The following HEPH variants were observed in gnomAD, a reference collection of about 807,000 sequenced individuals.
HEPH encodes hephaestin.
HEPH carries 69 observed loss-of-function variants against 80.8 expected under a neutral mutation model. The ratio of observed to expected loss-of-function variants is 0.85; its 90% CI spans 0.70 to 1.04. The LOEUF (loss-of-function observed/expected upper bound fraction) is 1.04. Among genes scored for constraint, HEPH ranks in the 50% least tolerant of loss-of-function variants. HEPH has a pLI of 0.00. For synonymous variants in HEPH, 431 were observed against 322.8 expected, an observed-to-expected ratio of 1.34 and a Z score of -3.60; for missense variants, 1,115 against 891.3, an observed-to-expected ratio of 1.25 and a Z score of -3.20.
chrX:66,186,483 C>T (rs1230605922), intron 4 of HEPH, among the ~76,000 whole-genome samples: 2 of 112,477 alleles, frequency 1.8e-5, no homozygotes, highest in Admixed American at 1.9e-4. Context: ...CGTCCATCAC[C>T]CCTTTCTTTG....
At chrX:66,246,419 G>A (rs187608418) in intron 15 of HEPH, among the ~76,000 whole-genome samples, 1 of 111,601 alleles carries the variant, frequency 9.0e-6, no homozygotes, top group East Asian at 2.8e-4. Flanking sequence ...ATGAGGGGCA[G>A]TAGAGCAATC....
chrX:66,207,979 C>A, intron 14 of HEPH, 136 bp from the exon 15 acceptor site: 1 of 437,653 alleles, frequency 2.3e-6, no homozygotes, highest in Non-Finnish European at 3.8e-6. Context: ...GCCATGCCTT[C>A]TAGGTCTTAG....
intron 6 of HEPH, 68 bp downstream of exon 6, chrX:66,190,006 G>A: frequency 1.9e-6 from 2 of 1,059,827 alleles, no homozygotes; most frequent in South Asian, 2.3e-5. Context: ...GGGAGGCTGG[G>A]TTTCTGGCCT....
At chrX:66,261,549 T>C (rs1242309258) in intron 19 of HEPH, among the ~76,000 whole-genome samples, 2 of 109,928 alleles carry the variant, frequency 1.8e-5, no homozygotes, top group African/African-American at 6.6e-5. Context: ...TTTTTTTTTT[T>C]TTTTTCTATG....
At chrX:66,263,709 A>T in intron 20 of HEPH, 21 bp downstream of exon 20, 1 of 1,197,172 alleles carries the variant, frequency 8.4e-7, no homozygotes, top group South Asian at 1.8e-5. Context: ...TGATGCACAG[A>T]CTGGGTACTT....
rs761473189 is a variant in HEPH, at chrX:66,229,159, A to G, written c.2563+20913A>G. ...GCCCATCAATCAGAGTGGAAAAATAAAATGTGAGATAGATATAGATATAGA... is the reference window on the plus strand; with the variant it reads ...GCCCATCAATCAGAGTGGAAAAATAGAATGTGAGATAGATATAGATATAGA... On this transcript the variant is annotated intron_variant, in intron 15 of 20. Coordinates refer to ENST00000343002, the MANE Select transcript of HEPH (RefSeq NM_001367233.3). 4.1e-4 allele frequency among the ~76,000 whole-genome samples: 46 copies of G among 112,546 alleles called. 1 individual carries two copies. Among genetic ancestry groups the G allele is most frequent in the African/African-American group, 1.5e-3 (46 of 31,037 alleles).
At chrX:66,243,101 T>G (rs894528568) in intron 15 of HEPH, among the ~76,000 whole-genome samples, 1 of 111,635 alleles carries the variant, frequency 9.0e-6, no homozygotes, top group Non-Finnish European at 1.9e-5. Context: ...GCATGAACAG[T>G]GTATTGAATA....
intron 20 of HEPH, among the ~76,000 whole-genome samples, chrX:66,264,755 T>C (rs764467761): frequency 2.8e-5 from 3 of 106,818 alleles, no homozygotes; most frequent in South Asian, 8.2e-4. Context: ...TGGGTGGGCT[T>C]TCAGGCCATG....
intron 4 of HEPH, among the ~76,000 whole-genome samples, chrX:66,181,964 T>C (rs140925983): frequency 9.1e-6 from 1 of 109,651 alleles, no homozygotes; most frequent in Admixed American, 9.7e-5. Context: ...GGAATCCTTT[T>C]CCCATTGCTT....
At chrX:66,249,161 G>A (rs1022119766) in intron 15 of HEPH, among the ~76,000 whole-genome samples, 14 of 111,179 alleles carry the variant, frequency 1.3e-4, no homozygotes, top group Non-Finnish European at 2.5e-4. Flanking sequence ...TGGTAGACAT[G>A]GATAAGGAAT....
chrX:66,202,749 G>A (rs1019974499), intron 12 of HEPH, among the ~76,000 whole-genome samples: 1 of 109,352 alleles, frequency 9.1e-6, no homozygotes, highest in African/African-American at 3.3e-5. Context: ...CTTATTTATA[G>A]CATCACTTAA....
rs761648595 is a variant in HEPH, at chrX:66,261,391, A to G, written c.3199+1129A>G. Among the ~76,000 whole-genome samples the G allele has an allele frequency of 1.9e-4, 21 of 111,651 alleles. 1 individual carries two copies. The Admixed American group carries it at 2.0e-3, about 11-fold the overall frequency. The stretch of plus-strand genomic sequence containing the variant: ...TCCTCACCAAAAAATGTAGATGGGT[A>G]GGCTGTGTTGGCTTTTGTGTCTTTG... On this transcript the variant is annotated intron_variant, in intron 19 of 20. Coordinates refer to ENST00000343002, the MANE Select transcript of HEPH (RefSeq NM_001367233.3).
At chrX:66,240,542 AC>A (rs2148077531) in intron 15 of HEPH, among the ~76,000 whole-genome samples, 1 of 108,686 alleles carries the variant, frequency 9.2e-6, no homozygotes, top group African/African-American at 3.3e-5. Flanking sequence ...AAATGCACCC[AC>A]CCCAGACATA....
At chrX:66,207,089 C>G in intron 13 of HEPH, 106 bp from the exon 14 acceptor site, 56 of 407,585 alleles carry the variant, frequency 1.4e-4, no homozygotes, top group East Asian at 1.4e-4. Context: ...TTTTTTTTTT[C>G]TGTCTGTGAC....
chrX:66,235,422 G>A (rs1569378820), intron 15 of HEPH, among the ~76,000 whole-genome samples: 1 of 111,889 alleles, frequency 8.9e-6, no homozygotes, highest in Non-Finnish European at 1.9e-5. Flanking sequence ...TATGGCTAGT[G>A]AGTTATCCTA....
At chrX:66,163,095 G>A (rs1467651180), upstream of HEPH, among the ~76,000 whole-genome samples, 1 of 111,788 alleles carries the variant, frequency 8.9e-6, no homozygotes, top group Non-Finnish European at 1.9e-5. Context: ...AATTCTAGAT[G>A]TGTAAATTTA....
intron 8 of HEPH, 73 bp downstream of exon 8, chrX:66,193,711 T>C: frequency 2.5e-6 from 2 of 813,486 alleles, no homozygotes; most frequent in Non-Finnish European, 3.5e-6. Flanking sequence ...AACTGAGGCC[T>C]GGACATCACT....
intron 11 of HEPH, 142 bp downstream of exon 11, chrX:66,199,170 C>T (rs1196752934): frequency 1.8e-5 from 10 of 551,195 alleles, no homozygotes; most frequent in East Asian, 6.9e-5. Flanking sequence ...GAGGCTCAAC[C>T]GAACACAACA....
chrX:66,202,910 T>C (rs972086668), intron 12 of HEPH, among the ~76,000 whole-genome samples: 18 of 92,130 alleles, frequency 2.0e-4, no homozygotes, highest in Admixed American at 9.3e-4. Flanking sequence ...GTTTTATGTG[T>C]GCATATATAT....
Sources: allele counts gnomAD v4.1 joint callset (sites outside exome capture counted in the v4.1 genomes callset), GRCh38; gene constraint gnomAD v4.1.1; transcripts MANE v1.5; gene names NCBI Gene and HGNC (gene_info 2026-07-23, HGNC 2026-07-21).